The following BICD1 variants were observed in gnomAD, a reference collection of about 807,000 sequenced individuals.
BICD1 encodes BICD cargo adaptor 1.
In BICD1, 35 loss-of-function variants were observed where a neutral mutation model predicts 92.5. That is an observed-to-expected ratio of 0.38 (90% CI 0.29 to 0.50). The LOEUF is 0.50. Ranked by LOEUF, BICD1 falls within the 20% of genes least tolerant of loss-of-function variation. The pLI is 0.93. For synonymous variants in BICD1, 429 were observed against 465.1 expected (o/e 0.92, Z 1.00); for missense variants, 950 against 1,189.8 (o/e 0.80, Z 2.97).
chr12:32,261,400 T>C (rs916572405), intron 2 of BICD1, among the ~76,000 whole-genome samples: 20 of 152,216 alleles, frequency 1.3e-4, no homozygotes, highest in Non-Finnish European at 2.9e-5. Flanking sequence ...GCCCTTCTGC[T>C]CAGGTCTTTG....
intron 1 of BICD1, among the ~76,000 whole-genome samples, chr12:32,174,052 T>C (rs1260458364): frequency 2.0e-5 from 3 of 152,198 alleles, no homozygotes; most frequent in Non-Finnish European, 4.4e-5. Context: ...TCATCACATT[T>C]CTGTTTTGGA....
At chr12:32,329,085 G>A (rs548487858) in intron 5 of BICD1, among the ~76,000 whole-genome samples, 1 of 151,176 alleles carries the variant, frequency 6.6e-6, no homozygotes, top group East Asian at 2.0e-4. Flanking sequence ...TAGGAGTATA[G>A]CAAAATTATT....
chr12:32,184,969 G>A (rs537067389), intron 1 of BICD1, among the ~76,000 whole-genome samples: 1 of 152,296 alleles, frequency 6.6e-6, no homozygotes, highest in Non-Finnish European at 1.5e-5. Context: ...TTATGTGTAA[G>A]CTGTGTCCAG....
At chr12:32,260,362 C>T (rs962959576) in intron 2 of BICD1, among the ~76,000 whole-genome samples, 7 of 152,092 alleles carry the variant, frequency 4.6e-5, no homozygotes, top group Admixed American at 2.0e-4. Flanking sequence ...TTGTAGCTGC[C>T]CTTCTGGTGG....
chr12:32,253,095 C>A (rs193202511), intron 2 of BICD1, among the ~76,000 whole-genome samples: 191 of 152,180 alleles, frequency 1.3e-3, no homozygotes, highest in Non-Finnish European at 2.1e-3. Flanking sequence ...GTTGCCCAGG[C>A]TGGTCTTGAA....
At position 32,306,112 on chromosome 12, in the gene BICD1, A is replaced by G; in HGVS notation, c.995A>G (p.Gln332Arg). Residue 332 changes from glutamine to arginine, a missense_variant, in exon 4 of 10, where the codon CAG becomes CGG. Gln to Arg is a conservative substitution (Grantham distance 43, BLOSUM62 1). Coordinates refer to ENST00000652176, the MANE Select transcript of BICD1 (RefSeq NM_001714.4). ...TCAGAAATACAGAAGTTGAAGCAGC[A>G]GCTTATGCAGGTAAGAACTTTGTTT... ...NISEIQKLKQ[Q>R]LMQVEREKAI... 6.3e-7 allele frequency: 1 copy of G among 1,596,166 alleles called. No individual in the cohort carries two copies. Among genetic ancestry groups the G allele is most frequent in the Admixed American group, 1.8e-5 (1 of 56,552 alleles).
chr12:32,354,196 T>C (rs1939005752), intron 8 of BICD1: 1 of 152,198 alleles, frequency 6.6e-6, no homozygotes, highest in South Asian at 2.1e-4. Context: ...GGACAGCAAA[T>C]GGGAAGATGG....
At chr12:32,299,535 T>C (rs1291158720) in intron 3 of BICD1, among the ~76,000 whole-genome samples, 1 of 152,052 alleles carries the variant, frequency 6.6e-6, no homozygotes, top group Admixed American at 6.5e-5. Context: ...TTGTACCACA[T>C]TTGAGTGAGT....
At chr12:32,250,693 G>T (rs966597316) in intron 2 of BICD1, among the ~76,000 whole-genome samples, 8 of 152,128 alleles carry the variant, frequency 5.3e-5, no homozygotes, top group Admixed American at 3.9e-4. Context: ...GGAAGTGTAA[G>T]GATGAAGCCA....
chr12:32,356,514 G>A (rs751603299), intron 8 of BICD1, among the ~76,000 whole-genome samples: 7 of 151,902 alleles, frequency 4.6e-5, no homozygotes, highest in African/African-American at 7.3e-5. Flanking sequence ...TTAGCTGGGC[G>A]TAGTGGCACT....
At chr12:32,112,264 C>G (rs1182626205) in intron 1 of BICD1, among the ~76,000 whole-genome samples, 2 of 152,200 alleles carry the variant, frequency 1.3e-5, no homozygotes, top group African/African-American at 4.8e-5. Flanking sequence ...CCTCAGCCTC[C>G]CAAAGTGCTG....
rs540419761 is a variant in BICD1 at position 32,216,286 on chromosome 12, G to A, written c.253G>A (p.Glu85Lys). ...QSFSIHRKVA[E>K]DGETREETLL... is the part of the protein sequence containing the mutation. ...CTTCTCCATCCACCGGAAGGTTGCTGAAGATGGAGAGACTCGGGAGGAAAC... is the reference window on the plus strand; with the variant it reads ...CTTCTCCATCCACCGGAAGGTTGCTAAAGATGGAGAGACTCGGGAGGAAAC... Residue 85 changes from glutamate to lysine, a missense_variant, in exon 2 of 10, where the codon GAA becomes AAA. By Grantham distance (56) the Glu-to-Lys change is moderately conservative. Around this residue, in one of 5 missense-constraint regions of BICD1, gnomAD observed 202 missense variants for 205.3 expected, o/e 0.98. Transcript: ENST00000652176. 1.5e-5 allele frequency: 24 copies of A among 1,613,956 alleles called. No individual in the cohort carries two copies. The highest frequency in any genetic ancestry group is 1.8e-5 in the Non-Finnish European group (21 of 1,180,026).
chr12:32,127,221 T>A (rs1942378523), intron 1 of BICD1, among the ~76,000 whole-genome samples: 1 of 152,212 alleles, frequency 6.6e-6, no homozygotes, highest in Non-Finnish European at 1.5e-5. Flanking sequence ...TAAGAAATCC[T>A]TTCCATGAAG....
In BICD1 at chr12:32,327,905, G is replaced by A; in HGVS notation, c.1450G>A (p.Glu484Lys). 6.2e-7 allele frequency: 1 copy of A among 1,614,168 alleles called. No individual in the cohort carries two copies. Among genetic ancestry groups the A allele is most frequent in the Non-Finnish European group, 8.5e-7 (1 of 1,180,034 alleles). ...KESGEKMAHM[E>K]KELQKMTSIA... Reference sequence around the variant, plus strand: ...GAGTGGTGAGAAGATGGCCCACATGGAGAAGGAGTTGCAAAAGATGACCAG... The same window carrying A: ...GAGTGGTGAGAAGATGGCCCACATGAAGAAGGAGTTGCAAAAGATGACCAG... Residue 484 changes from glutamate to lysine, a missense_variant, in exon 5 of 10, where the codon GAG becomes AAG. Physicochemically the swap from Glu to Lys is moderately conservative, Grantham distance 56. Around this residue, in one of 5 missense-constraint regions of BICD1, gnomAD observed 309 missense variants for 499.4 expected, o/e 0.62. Transcript: ENST00000652176.
In BICD1 at chr12:32,290,822, T is replaced by TG. The variant is rs144593920; in HGVS notation, c.427-3171dup. Among the ~76,000 whole-genome samples the TG allele has an allele frequency of 9.3e-3, 1,416 of 152,358 alleles. 14 individuals carry two copies. Among genetic ancestry groups the TG allele is most frequent in the African/African-American group, 0.032 (1,326 of 41,576 alleles). The stretch of plus-strand genomic sequence containing the variant: ...CTGTTCTTGGCTATAAATCTTCACT[T>TG]GCTCTTGCTGTTTCAGAGTTGAGCC... On this transcript the variant is annotated intron_variant, in intron 2 of 9. Transcript: ENST00000652176.
intron 9 of BICD1, among the ~76,000 whole-genome samples, chr12:32,370,143 T>G (rs1381410735): frequency 1.3e-5 from 2 of 151,992 alleles, no homozygotes; most frequent in African/African-American, 4.8e-5. Context: ...CCAAGGCCGG[T>G]GGATCACAAG....
At chr12:32,338,688 G>A (rs1938231214) in intron 7 of BICD1, 98 bp from the exon 8 acceptor site, 16 of 970,664 alleles carry the variant, frequency 1.6e-5, no homozygotes, top group South Asian at 1.4e-4. Flanking sequence ...AAAATTAAAT[G>A]CCAGTATAAA....
intron 2 of BICD1, among the ~76,000 whole-genome samples, chr12:32,256,098 G>A (rs920241548): frequency 1.3e-5 from 2 of 151,978 alleles, no homozygotes; most frequent in African/African-American, 4.8e-5. Flanking sequence ...TGTGGCCCAG[G>A]CTGGAGTGCA....
intron 2 of BICD1, among the ~76,000 whole-genome samples, chr12:32,216,874 TGAC>T (rs1296142554): frequency 6.6e-6 from 1 of 152,202 alleles, no homozygotes; most frequent in Non-Finnish European, 1.5e-5. Context: ...TCATAGGGAA[TGAC>T]AGCCTAGGCG....
Sources: allele counts gnomAD v4.1 joint callset (sites outside exome capture counted in the v4.1 genomes callset), GRCh38; gene constraint gnomAD v4.1.1; regional missense constraint gnomAD v4.1.1; transcripts MANE v1.5; gene names NCBI Gene and HGNC (gene_info 2026-07-23, HGNC 2026-07-21).